The following NUF2 variants were observed in gnomAD, a reference collection of about 807,000 sequenced individuals.
NUF2 encodes the protein NUF2 component of NDC80 kinetochore complex, also known as kinetochore protein Nuf2.
Under a neutral mutation model 61.8 loss-of-function variants are expected in NUF2, and 34 were observed. That is an observed-to-expected ratio of 0.55 (90% CI 0.42 to 0.73). NUF2 has a LOEUF of 0.73. NUF2 is among the 30% of genes least tolerant of loss of function. The pLI is 0.00. For synonymous variants in NUF2, 172 were observed against 181.6 expected (o/e 0.95, Z 0.42); for missense variants, 445 against 539.1 (o/e 0.83, Z 1.73).
intron 4 of NUF2, 72 bp from the exon 5 acceptor site, chr1:163,328,774 G>A: frequency 1.1e-6 from 1 of 929,974 alleles, no homozygotes; most frequent in Non-Finnish European, 1.7e-6. Flanking sequence ...AAAATAAGAT[G>A]TTTATATCCT....
intron 5 of NUF2, among the ~76,000 whole-genome samples, chr1:163,334,079 C>CT (rs1249077594): frequency 5.3e-5 from 8 of 152,166 alleles, no homozygotes; most frequent in Non-Finnish European, 1.2e-4. Flanking sequence ...ATTTGACTTT[C>CT]TGTTTCTGAG....
At chr1:163,345,105 A>G (rs1020062128) in intron 10 of NUF2, among the ~76,000 whole-genome samples, 8 of 152,144 alleles carry the variant, frequency 5.3e-5, no homozygotes, top group African/African-American at 1.4e-4. Context: ...AGGTAGAGGG[A>G]TTATATCCAT....
At position 163,350,461 on chromosome 1, in the gene NUF2, G is replaced by T. The variant is rs148411997; in HGVS notation, c.1260+1381G>T. Among the ~76,000 whole-genome samples, 806 of 152,124 alleles carry T rather than the reference G, an allele frequency of 5.3e-3. 3 individuals are homozygous for T. The highest frequency in any genetic ancestry group is 0.031 in the Middle Eastern group (9 of 292). On this transcript the variant is annotated intron_variant, in intron 13 of 13. Coordinates refer to ENST00000271452, the MANE Select transcript of NUF2 (RefSeq NM_145697.3). Reference sequence around the variant, plus strand: ...ACTAACTCAAATTCGAGGCACCTTTGTCTATCAGTCATAAGAGATACCCAT... The same window carrying T: ...ACTAACTCAAATTCGAGGCACCTTTTTCTATCAGTCATAAGAGATACCCAT...
intron 9 of NUF2, among the ~76,000 whole-genome samples, chr1:163,342,865 T>C (rs1650992502): frequency 6.6e-6 from 1 of 152,210 alleles, no homozygotes; most frequent in Non-Finnish European, 1.5e-5. Flanking sequence ...GTTCTGTTTT[T>C]ATAGAAATGT....
At position 163,345,969 on chromosome 1, in the gene NUF2, A is replaced by G. The variant is rs527581505; in HGVS notation, c.948+151A>G. On this transcript the variant is annotated intron_variant, in intron 11 of 13. Coordinates refer to ENST00000271452, the MANE Select transcript of NUF2 (RefSeq NM_145697.3). ...TGTGGCAATGTATGCTATGAAAAAG[A>G]CACTTTTCTTTTTAAACATAGCAGT... The G allele has an allele frequency of 5.9e-6, 3 of 511,282 alleles. No individual in the cohort carries two copies. In the Admixed American group the frequency reaches 1.1e-4, roughly 19 times the overall value. 31.7% of individuals were successfully genotyped at this position (511,282 alleles called of 1,614,324 possible).
chr1:163,346,988 C>T (rs1025985725), intron 11 of NUF2, among the ~76,000 whole-genome samples: 14 of 152,204 alleles, frequency 9.2e-5, no homozygotes, highest in African/African-American at 3.4e-4. Flanking sequence ...ATTTTTAGAC[C>T]ACAGTTGACC....
chr1:163,336,876 C>A, intron 6 of NUF2, 28 bp downstream of exon 6: 2 of 1,307,410 alleles, frequency 1.5e-6, no homozygotes, highest in Non-Finnish European at 1.1e-6. Context: ...TTTGGGGTTA[C>A]ATGCCAGATC....
chr1:163,327,350 A>G (rs1571374347), intron 2 of NUF2, 138 bp from the exon 3 acceptor site: 4 of 587,502 alleles, frequency 6.8e-6, no homozygotes, highest in East Asian at 2.8e-5. Context: ...AAATTAAGGA[A>G]TATTTCAAGG....
chr1:163,344,129 G>C (rs3013512), intron 10 of NUF2, among the ~76,000 whole-genome samples: 136,052 of 152,118 alleles, frequency 0.89, 61,599 homozygotes, highest in East Asian at 0.98. Context: ...AATGCTGGGT[G>C]GTGAGATTTA....
chr1:163,342,514 A>G (rs1399799510), intron 9 of NUF2, among the ~76,000 whole-genome samples: 1 of 152,204 alleles, frequency 6.6e-6, no homozygotes, highest in African/African-American at 2.4e-5. Flanking sequence ...GGAATGCATT[A>G]TATCTAACAT....
chr1:163,326,514 T>C lies in NUF2; in HGVS notation c.123+340T>C, dbSNP rs1413044169. On this transcript the variant is annotated intron_variant, in intron 2 of 13. Transcript: ENST00000271452. ...TATTGATAGGGCTTCAAGGAACTTATTCCAAGTGGTTTTCAACCACAAAAA... is the reference window on the plus strand; with the variant it reads ...TATTGATAGGGCTTCAAGGAACTTACTCCAAGTGGTTTTCAACCACAAAAA... Among the ~76,000 whole-genome samples the C allele has an allele frequency of 2.0e-5, 3 of 152,118 alleles. No individual in the cohort carries two copies. In the East Asian group the frequency reaches 5.8e-4, roughly 29 times the overall value.
intron 10 of NUF2, among the ~76,000 whole-genome samples, chr1:163,345,342 A>G (rs1651088160): frequency 6.6e-6 from 1 of 152,202 alleles, no homozygotes; most frequent in African/African-American, 2.4e-5. Context: ...GAGTAATACG[A>G]TTGATTGCCC....
Position 163,326,175 on chromosome 1 carries a change from G to C in NUF2, c.123+1G>C. On this transcript the variant is annotated splice_donor_variant, in intron 2 of 13. Transcript: ENST00000271452. LOFTEE classifies it high-confidence loss of function. ...GAATGATCTTTATCCAAATCCAAAG[G>C]TAAAAGGTGGTTACGTTTGCATGTG... is the stretch of plus-strand genomic sequence containing the variant. 1.2e-6 allele frequency: 2 copies of C among 1,611,838 alleles called. No individual in the cohort carries two copies. Among genetic ancestry groups the C allele is most frequent in the Non-Finnish European group, 1.7e-6 (2 of 1,178,702 alleles).
chr1:163,327,401 A>C, intron 2 of NUF2, 87 bp from the exon 3 acceptor site: 1 of 715,620 alleles, frequency 1.4e-6, no homozygotes, highest in Non-Finnish European at 2.4e-6. Context: ...CTTTGCTTTC[A>C]TCGATTATAA....
At chr1:163,354,855 A>G (rs1651436786) in intron 13 of NUF2, among the ~76,000 whole-genome samples, 1 of 152,064 alleles carries the variant, frequency 6.6e-6, no homozygotes, top group African/African-American at 2.4e-5. Flanking sequence ...GCACATCCAT[A>G]TAGGCTTGAA....
At chr1:163,348,818 A>G (rs1651216532) in intron 12 of NUF2, 127 bp from the exon 13 acceptor site, 2 of 966,852 alleles carry the variant, frequency 2.1e-6, no homozygotes, top group East Asian at 2.5e-5. Context: ...TTGCTTTTAT[A>G]TCTTGAGAAG....
intron 2 of NUF2, among the ~76,000 whole-genome samples, 192 bp from the exon 3 acceptor site, chr1:163,327,296 T>C (rs1188809569): frequency 2.0e-5 from 3 of 152,266 alleles, no homozygotes; most frequent in East Asian, 1.9e-4. Context: ...TGACCACTTA[T>C]ATATGAGCAA....
In NUF2 at chr1:163,355,195, A is replaced by T. The variant is rs1207790495; in HGVS notation, c.1261-140A>T. On this transcript the variant is annotated intron_variant, in intron 13 of 13. Transcript: ENST00000271452. Reference sequence around the variant, plus strand: ...GAATTTTTAATTAAAGCAGACATAGACATGCACATTTGTGTGTGTGCATAA... The same window carrying T: ...GAATTTTTAATTAAAGCAGACATAGTCATGCACATTTGTGTGTGTGCATAA... 3 of 602,138 alleles carry T rather than the reference A, an allele frequency of 5.0e-6. No homozygotes were observed. In the African/African-American group the frequency reaches 5.8e-5, roughly 12 times the overall value. The allele number at this position is 602,138 out of a possible 1,614,324, so 37.3% of individuals were successfully genotyped here. A position where few individuals can be genotyped will look rare whatever the true frequency, so the allele number is the denominator to read the frequency against.
intron 1 of NUF2, among the ~76,000 whole-genome samples, chr1:163,323,831 TACA>T (rs987339659): frequency 1.3e-4 from 20 of 151,680 alleles, no homozygotes; most frequent in African/African-American, 3.4e-4. Flanking sequence ...AATCAATTTA[TACA>T]ACAAGAACAC....
Sources: allele counts gnomAD v4.1 joint callset (sites outside exome capture counted in the v4.1 genomes callset), GRCh38; gene constraint gnomAD v4.1.1; transcripts MANE v1.5; gene names NCBI Gene and HGNC (gene_info 2026-07-23, HGNC 2026-07-21).